The following ATP8B4 variants were observed in gnomAD, a reference collection of about 807,000 sequenced individuals.
ATP8B4 encodes probable phospholipid-transporting ATPase IM.
ATP8B4 carries 133 observed loss-of-function variants against 145.6 expected under a neutral mutation model. The ratio of observed to expected loss-of-function variants is 0.91; its 90% CI spans 0.79 to 1.05. The LOEUF (loss-of-function observed/expected upper bound fraction) is 1.05. Ranked by LOEUF, ATP8B4 falls within the 50% of genes least tolerant of loss-of-function variation. The pLI is 0.00. For missense variants in ATP8B4, 1,458 were observed against 1,425.2 expected (o/e 1.02, Z -0.37); for synonymous variants, 507 against 492.9 (o/e 1.03, Z -0.38).
intron 23 of ATP8B4, among the ~76,000 whole-genome samples, chr15:49,883,819 A>C (rs1482159531): frequency 6.6e-6 from 1 of 152,080 alleles, no homozygotes; most frequent in Non-Finnish European, 1.5e-5. Context: ...GGGGAAAAAA[A>C]GGTTTTCCAA....
At position 49,980,452 on chromosome 15, in the gene ATP8B4, TAG is replaced by T. The variant is rs1319362389; in HGVS notation, c.838-641_838-640del. Among the ~76,000 whole-genome samples, 6 of 152,218 alleles carry T rather than the reference TAG, an allele frequency of 3.9e-5. No individual in the cohort carries two copies. The East Asian group carries it at 1.2e-3, about 29-fold the overall frequency. ...AGACAAAGCAGTATTACACAAAGAC[TAG>T]ATAGTATATCAATAGTATGAGGTAG... is the stretch of plus-strand genomic sequence containing the variant. On this transcript the variant is annotated intron_variant, in intron 11 of 27. Coordinates refer to ENST00000284509, the MANE Select transcript of ATP8B4 (RefSeq NM_024837.4).
intron 13 of ATP8B4, 123 bp downstream of exon 13, chr15:49,972,459 A>AC: frequency 1.2e-6 from 1 of 824,678 alleles, no homozygotes; most frequent in East Asian, 2.7e-5. Context: ...GTAGATGCTG[A>AC]CGGTGCCCAT....
At chr15:50,171,954 T>C (rs947454322) in intron 1 of ATP8B4, among the ~76,000 whole-genome samples, 1 of 151,982 alleles carries the variant, frequency 6.6e-6, no homozygotes, top group African/African-American at 2.4e-5. Flanking sequence ...GCACATAAAC[T>C]AGAAAACCTA....
At position 49,977,500 on chromosome 15, in the gene ATP8B4, A is replaced by G. The variant is rs77863222; in HGVS notation, c.1034+2117T>C. The stretch of plus-strand genomic sequence containing the variant: ...GGAAAACACTGTCCCAACTCTCAGA[A>G]GACTTCTGCCCCTCTTTAGCTCATG... On this transcript the variant is annotated intron_variant, in intron 12 of 27. Transcript: ENST00000284509. 1.1e-3 allele frequency among the ~76,000 whole-genome samples: 168 copies of G among 152,280 alleles called. No individual in the cohort carries two copies. The East Asian group carries it at 0.016, about 15-fold the overall frequency.
chr15:49,955,381 C>A (rs1461847710), intron 14 of ATP8B4, among the ~76,000 whole-genome samples: 2 of 152,084 alleles, frequency 1.3e-5, no homozygotes, highest in African/African-American at 4.8e-5. Flanking sequence ...CAGAAAATCC[C>A]AAGTATTGTT....
intron 16 of ATP8B4, among the ~76,000 whole-genome samples, chr15:49,924,864 A>AG (rs961247897): frequency 4.6e-5 from 7 of 152,118 alleles, no homozygotes; most frequent in East Asian, 3.9e-4. Flanking sequence ...TTGTTAAACC[A>AG]GGGGGGGAAA....
At chr15:50,099,030 A>G (rs2056175186) in intron 2 of ATP8B4, among the ~76,000 whole-genome samples, 2 of 152,162 alleles carry the variant, frequency 1.3e-5, no homozygotes, top group South Asian at 4.1e-4. Flanking sequence ...GAGCCCACAG[A>G]AGACATACAC....
At chr15:50,068,811 C>T (rs538345530) in intron 3 of ATP8B4, among the ~76,000 whole-genome samples, 11 of 152,270 alleles carry the variant, frequency 7.2e-5, no homozygotes, top group East Asian at 3.9e-4. Context: ...GAAGAACCAA[C>T]GAGAACCAGT....
intron 23 of ATP8B4, chr15:49,883,621 C>CTATCAATG (rs2035767943): frequency 6.6e-6 from 1 of 152,098 alleles, no homozygotes; most frequent in Non-Finnish European, 1.5e-5. Flanking sequence ...CCAGTTTATA[C>CTATCAATG]ATGGGAAAAC....
At chr15:49,987,711 G>A (rs2046736378) in intron 9 of ATP8B4, among the ~76,000 whole-genome samples, 162 bp from the exon 10 acceptor site, 1 of 151,894 alleles carries the variant, frequency 6.6e-6, no homozygotes, top group Non-Finnish European at 1.5e-5. Flanking sequence ...GTAGAAAAAT[G>A]GAAAGCCATC....
chr15:49,870,241 A>G (rs967353006), intron 25 of ATP8B4, among the ~76,000 whole-genome samples: 2 of 152,184 alleles, frequency 1.3e-5, no homozygotes, highest in African/African-American at 4.8e-5. Context: ...CAAGAAAAGC[A>G]TATTACAGAA....
At chr15:49,893,648 G>A (rs1025244432) in intron 23 of ATP8B4, among the ~76,000 whole-genome samples, 2 of 152,082 alleles carry the variant, frequency 1.3e-5, no homozygotes, top group African/African-American at 4.8e-5. Context: ...AGGGACTAGG[G>A]GAAATGCAGA....
chr15:49,865,517 T>C (rs2032633688), intron 26 of ATP8B4, among the ~76,000 whole-genome samples: 1 of 152,162 alleles, frequency 6.6e-6, no homozygotes, highest in African/African-American at 2.4e-5. Context: ...GCTACTAGCA[T>C]TGGAAGTGTG....
At chr15:50,062,616 A>G (rs1450247877) in intron 3 of ATP8B4, among the ~76,000 whole-genome samples, 1 of 152,214 alleles carries the variant, frequency 6.6e-6, no homozygotes, top group African/African-American at 2.4e-5. Context: ...ATGAGCTAAT[A>G]TAATTTTTCA....
intron 6 of ATP8B4, among the ~76,000 whole-genome samples, chr15:50,023,779 C>CAAA (rs60030651): frequency 4.0e-5 from 3 of 75,060 alleles, no homozygotes; most frequent in Non-Finnish European, 7.6e-5. Flanking sequence ...AGACCAAAGG[C>CAAA]AAAAAAAAAA....
At chr15:50,003,507 C>T (rs1046082308) in intron 7 of ATP8B4, among the ~76,000 whole-genome samples, 2 of 151,990 alleles carry the variant, frequency 1.3e-5, no homozygotes, top group African/African-American at 4.8e-5. Context: ...AGTGATGCCG[C>T]TCTTGGGCCA....
At chr15:50,053,893 A>G (rs1407353439) in intron 3 of ATP8B4, among the ~76,000 whole-genome samples, 1 of 152,238 alleles carries the variant, frequency 6.6e-6, no homozygotes, top group Non-Finnish European at 1.5e-5. Context: ...CAAATAGAAA[A>G]TAACAAACTC....
intron 1 of ATP8B4, among the ~76,000 whole-genome samples, chr15:50,145,673 T>A (rs1239832411): frequency 1.3e-5 from 2 of 152,200 alleles, no homozygotes; most frequent in African/African-American, 4.8e-5. Context: ...TGTCTTTTTT[T>A]CTTTTTCCTT....
At chr15:49,971,276 T>C (rs1441359437) in intron 13 of ATP8B4, among the ~76,000 whole-genome samples, 1 of 152,166 alleles carries the variant, frequency 6.6e-6, no homozygotes, top group Non-Finnish European at 1.5e-5. Context: ...AAATGGGACC[T>C]AATTAAACTA....
Sources: gnomAD v4.1 joint callset for allele counts (sites outside exome capture counted in the v4.1 genomes callset) on GRCh38, gnomAD v4.1.1 for gene constraint, MANE v1.5 for transcripts, NCBI Gene and HGNC (gene_info 2026-07-23, HGNC 2026-07-21) for gene names.